Variants in SCHIP1 observed in about 807,000 individuals in gnomAD.
SCHIP1 encodes schwannomin interacting protein 1.
A neutral mutation model predicts 29.7 loss-of-function variants in SCHIP1; 8 were observed. The observed-to-expected ratio is 0.27, with a 90% confidence interval of 0.16 to 0.49. SCHIP1 has a LOEUF of 0.49. Ranked by LOEUF, SCHIP1 falls within the 20% of genes least tolerant of loss-of-function variation. The probability of loss-of-function intolerance (pLI) is 0.99; values close to 1 mark genes in which losing one functional copy is unlikely to be tolerated. For synonymous variants in SCHIP1, 76 were observed against 94.9 expected (o/e 0.80, Z 1.16); for missense variants, 193 against 294.6 (o/e 0.66, Z 2.52).
chr3:159,652,119 G>A, the SCHIP1 span, among the ~76,000 whole-genome samples: 1 of 151,460 alleles, frequency 6.6e-6, no homozygotes, highest in Non-Finnish European at 1.5e-5. Flanking sequence ...AAAAAAAATT[G>A]CTACCATGTG....
the SCHIP1 span, among the ~76,000 whole-genome samples, chr3:159,781,935 A>G: frequency 1.2e-3 from 182 of 152,270 alleles, no homozygotes; most frequent in Non-Finnish European, 1.4e-3. Context: ...TTGTGTGGTA[A>G]TTAATAATAA....
the SCHIP1 span, among the ~76,000 whole-genome samples, chr3:159,622,652 C>T: frequency 6.6e-6 from 1 of 152,060 alleles, no homozygotes; most frequent in Non-Finnish European, 1.5e-5. Flanking sequence ...GGCATGGTGG[C>T]TCACACCTGT....
chr3:159,873,652 G>A (rs975410674), intron 2 of SCHIP1, among the ~76,000 whole-genome samples: 1 of 152,202 alleles, frequency 6.6e-6, no homozygotes, highest in Non-Finnish European at 1.5e-5. Flanking sequence ...ATACTGAAAT[G>A]TGGCAAGTAG....
At chr3:159,693,670 A>T in the SCHIP1 span, among the ~76,000 whole-genome samples, 3 of 152,232 alleles carry the variant, frequency 2.0e-5, no homozygotes, top group Non-Finnish European at 4.4e-5. Flanking sequence ...AGGTCACATC[A>T]GTTCTATAAA....
intron 5 of SCHIP1, among the ~76,000 whole-genome samples, chr3:159,890,599 A>T (rs561234504): frequency 7.9e-4 from 120 of 152,326 alleles, no homozygotes; most frequent in Middle Eastern, 3.4e-3. Context: ...AAATTCTACA[A>T]CTGCATTTTA....
the SCHIP1 span, among the ~76,000 whole-genome samples, chr3:159,510,297 G>A: frequency 1.4e-3 from 216 of 152,014 alleles, 1 homozygote; most frequent in African/African-American, 4.9e-3. Context: ...CATAGTTCTC[G>A]TGCCATGGTT....
chr3:159,684,625 GA>G, the SCHIP1 span, among the ~76,000 whole-genome samples: 1 of 151,990 alleles, frequency 6.6e-6, no homozygotes, highest in East Asian at 1.9e-4. Flanking sequence ...CCAACATGGT[GA>G]AACCCCATCT....
chr3:159,888,880 C>G (rs774010490), exon 5 of SCHIP1: 1 of 1,614,076 alleles, frequency 6.2e-7, no homozygotes, highest in Non-Finnish European at 8.5e-7. Context: ...ACCCACCGAC[C>G]TGAGAGACAT....
the SCHIP1 span, among the ~76,000 whole-genome samples, chr3:159,676,931 T>G: frequency 6.6e-6 from 1 of 152,348 alleles, no homozygotes; most frequent in African/African-American, 2.4e-5. Flanking sequence ...AATTATTACG[T>G]CTACAGCAAC....
At chr3:159,307,733 T>C in the SCHIP1 span, among the ~76,000 whole-genome samples, 4 of 152,246 alleles carry the variant, frequency 2.6e-5, no homozygotes, top group Admixed American at 6.5e-5. Context: ...TTAATGTATT[T>C]TGAGTTAATT....
chr3:159,595,128 C>T, the SCHIP1 span, among the ~76,000 whole-genome samples: 1 of 152,264 alleles, frequency 6.6e-6, no homozygotes, highest in South Asian at 2.1e-4. Context: ...TCTATAAAGA[C>T]TGGTCCAGGG....
chr3:159,548,358 C>T, the SCHIP1 span, among the ~76,000 whole-genome samples: 22 of 151,796 alleles, frequency 1.4e-4, no homozygotes, highest in African/African-American at 5.1e-4. Flanking sequence ...TAGGAATTTG[C>T]CTTTTTTCAA....
chr3:159,492,750 A>G, the SCHIP1 span, among the ~76,000 whole-genome samples: 4 of 152,156 alleles, frequency 2.6e-5, no homozygotes, highest in Non-Finnish European at 4.4e-5. Context: ...AATACAGAGA[A>G]TGCCACAAAG....
chr3:159,479,082 A>G, the SCHIP1 span, among the ~76,000 whole-genome samples: 1 of 152,142 alleles, frequency 6.6e-6, no homozygotes, highest in Non-Finnish European at 1.5e-5. Flanking sequence ...TTAAATATTT[A>G]CAAAGGTTTA....
the SCHIP1 span, among the ~76,000 whole-genome samples, chr3:159,341,797 T>C: frequency 6.6e-6 from 1 of 152,212 alleles, no homozygotes; most frequent in Admixed American, 6.5e-5. Context: ...AAAGTCCTGT[T>C]CAAATATGTA....
chr3:159,315,514 T>C, the SCHIP1 span, among the ~76,000 whole-genome samples: 20 of 151,614 alleles, frequency 1.3e-4, no homozygotes, highest in Admixed American at 1.3e-3. Flanking sequence ...CTAATGCTTG[T>C]ATAAGTATAG....
chr3:159,865,216 T>G (rs1714492494), intron 1 of SCHIP1, among the ~76,000 whole-genome samples: 1 of 152,174 alleles, frequency 6.6e-6, no homozygotes, highest in African/African-American at 2.4e-5. Flanking sequence ...TCTCAAAGCC[T>G]TTGTCATCTC....
chr3:159,703,320 T>C, the SCHIP1 span, among the ~76,000 whole-genome samples: 1 of 152,240 alleles, frequency 6.6e-6, no homozygotes, highest in East Asian at 1.9e-4. Flanking sequence ...CTTCCATAAA[T>C]GTTCACTTTT....
chr3:159,295,464 A>C, the SCHIP1 span, among the ~76,000 whole-genome samples: 326 of 152,088 alleles, frequency 2.1e-3, no homozygotes, highest in African/African-American at 7.4e-3. Context: ...AATCAATAAT[A>C]AGATTTGCCC....
Sources: allele counts gnomAD v4.1 joint callset (sites outside exome capture counted in the v4.1 genomes callset), GRCh38; gene constraint gnomAD v4.1.1; transcripts MANE v1.5; gene names NCBI Gene and HGNC (gene_info 2026-07-23, HGNC 2026-07-21).